RGS5: variants seen among roughly 807,000 people sequenced by gnomAD.
RGS5 encodes the protein regulator of G-protein signalling 5.
RGS5 carries 20 observed loss-of-function variants against 18.9 expected under a neutral mutation model. The observed-to-expected ratio is 1.06, with a 90% CI of 0.74 to 1.54. The LOEUF is 1.54. RGS5 is among the 40% of genes most tolerant of loss of function. The pLI is 0.00. For synonymous variants in RGS5, 57 were observed against 76.2 expected, an observed-to-expected ratio of 0.75 and a Z score of 1.31; for missense variants, 201 against 211.8, an observed-to-expected ratio of 0.95 and a Z score of 0.32.
chr1:163,156,645 G>T (rs1485697001), intron 3 of RGS5, among the ~76,000 whole-genome samples: 1 of 152,066 alleles, frequency 6.6e-6, no homozygotes, highest in Non-Finnish European at 1.5e-5. Flanking sequence ...TTTAATAGAG[G>T]TTCCCGCAGA....
At chr1:163,234,682 TTTG>T (rs1374258165) in intron 2 of RGS5, among the ~76,000 whole-genome samples, 1 of 152,240 alleles carries the variant, frequency 6.6e-6, no homozygotes, top group Non-Finnish European at 1.5e-5. Flanking sequence ...AATCTCTGCT[TTTG>T]TTATCTATTA....
chr1:163,188,002 G>A (rs1254768784), intron 1 of RGS5, among the ~76,000 whole-genome samples: 1 of 152,094 alleles, frequency 6.6e-6, no homozygotes, highest in African/African-American at 2.4e-5. Flanking sequence ...TGCTTGGTGT[G>A]TGGGAGTTTT....
intron 2 of RGS5, among the ~76,000 whole-genome samples, chr1:163,230,464 A>G (rs553984689): frequency 3.4e-4 from 32 of 93,584 alleles, no homozygotes; most frequent in African/African-American, 8.3e-4. Context: ...CCTTAGTTGT[A>G]AGATACTAAG....
chr1:163,274,291 TC>T (rs1648795903), intron 2 of RGS5, among the ~76,000 whole-genome samples: 1 of 149,542 alleles, frequency 6.7e-6, no homozygotes, highest in Admixed American at 6.7e-5. Context: ...CCCACTGACC[TC>T]CTGGGAAAAG....
At chr1:163,263,319 T>C (rs1401968645) in intron 2 of RGS5, among the ~76,000 whole-genome samples, 1 of 152,224 alleles carries the variant, frequency 6.6e-6, no homozygotes, top group Non-Finnish European at 1.5e-5. Context: ...CAAGGAGTGT[T>C]GCTTCTTCAG....
intron 3 of RGS5, among the ~76,000 whole-genome samples, chr1:163,158,429 C>G (rs923640443): frequency 6.6e-6 from 1 of 152,040 alleles, no homozygotes; most frequent in Non-Finnish European, 1.5e-5. Flanking sequence ...AATTCACCCC[C>G]GATATTTCAC....
chr1:163,233,822 G>A (rs1401800514), intron 2 of RGS5, among the ~76,000 whole-genome samples: 2 of 152,112 alleles, frequency 1.3e-5, no homozygotes, highest in Non-Finnish European at 2.9e-5. Context: ...CTATCACAAA[G>A]TACATTATCA....
At chr1:163,268,973 T>C (rs1424689623) in intron 2 of RGS5, among the ~76,000 whole-genome samples, 3 of 152,118 alleles carry the variant, frequency 2.0e-5, no homozygotes, top group Non-Finnish European at 4.4e-5. Context: ...GTTAAATGGG[T>C]AGGACCAGAG....
At chr1:163,157,572 CT>C (rs1657634029) in intron 3 of RGS5, among the ~76,000 whole-genome samples, 1 of 152,120 alleles carries the variant, frequency 6.6e-6, no homozygotes, top group Admixed American at 6.5e-5. Flanking sequence ...GTAAGGAATT[CT>C]TGGGGAACTA....
chr1:163,289,057 C>T (rs1219506727), intron 2 of RGS5, among the ~76,000 whole-genome samples: 5 of 152,092 alleles, frequency 3.3e-5, no homozygotes, highest in Admixed American at 1.3e-4. Flanking sequence ...ACCTTTTCTC[C>T]ATATTGCAAC....
chr1:163,194,003 T>G (rs1284137262), intron 1 of RGS5, among the ~76,000 whole-genome samples: 1 of 152,140 alleles, frequency 6.6e-6, no homozygotes, highest in African/African-American at 2.4e-5. Context: ...TTGCCCTCAG[T>G]GACATTATAC....
intron 2 of RGS5, among the ~76,000 whole-genome samples, chr1:163,167,433 G>A (rs914825510): frequency 2.0e-5 from 3 of 152,178 alleles, no homozygotes; most frequent in Non-Finnish European, 4.4e-5. Flanking sequence ...GCAGCTAGCA[G>A]GGATGATGAT....
At chr1:163,236,725 A>G (rs1199195578) in intron 2 of RGS5, among the ~76,000 whole-genome samples, 1 of 152,200 alleles carries the variant, frequency 6.6e-6, no homozygotes, top group East Asian at 1.9e-4. Context: ...GCACTTTGGG[A>G]GGTCGAGAGG....
intron 2 of RGS5, among the ~76,000 whole-genome samples, chr1:163,293,098 A>G (rs996195074): frequency 6.6e-6 from 1 of 152,152 alleles, no homozygotes; most frequent in African/African-American, 2.4e-5. Context: ...GCCACTGTCT[A>G]TGCCTGAATG....
intron 1 of RGS5, among the ~76,000 whole-genome samples, chr1:163,187,316 G>A (rs1659131176): frequency 6.6e-6 from 1 of 152,228 alleles, no homozygotes; most frequent in South Asian, 2.1e-4. Flanking sequence ...AAATGAGAAT[G>A]GCTATGGCCC....
intron 1 of RGS5, chr1:163,308,515 A>C (rs1283479039): frequency 6.6e-6 from 1 of 152,244 alleles, no homozygotes; most frequent in East Asian, 1.9e-4. Flanking sequence ...TTTATAAGCC[A>C]AATAAATTTA....
In RGS5 at chr1:163,160,135, T is replaced by C. The variant is rs573752903; in HGVS notation, c.217+1780A>G. On this transcript the variant is annotated intron_variant, in intron 3 of 4. Coordinates refer to ENST00000313961, the MANE Select transcript of RGS5 (RefSeq NM_003617.4). ...CTCTGTCTCCTAAAAGCCTGAAATA[T>C]ATAGACATGTAGCCCTAAGGATTTA... Among the ~76,000 whole-genome samples, 85 of 152,316 alleles carry C rather than the reference T, an allele frequency of 5.6e-4. No homozygotes were observed. The Middle Eastern group carries it at 0.014, about 24-fold the overall frequency.
chr1:163,150,330 T>A (rs1657324298), intron 4 of RGS5, among the ~76,000 whole-genome samples: 1 of 152,212 alleles, frequency 6.6e-6, no homozygotes, highest in African/African-American at 2.4e-5. Context: ...TAACCAATAA[T>A]GTTTTCCCAG....
At chr1:163,148,953 G>A (rs891445740) in intron 4 of RGS5, among the ~76,000 whole-genome samples, 1 of 152,222 alleles carries the variant, frequency 6.6e-6, no homozygotes, top group African/African-American at 2.4e-5. Context: ...ACTGAATAGA[G>A]CTCTTTGGGC....
Sources: gnomAD v4.1 joint callset for allele counts (sites outside exome capture counted in the v4.1 genomes callset) on GRCh38, gnomAD v4.1.1 for gene constraint, MANE v1.5 for transcripts, NCBI Gene and HGNC (gene_info 2026-07-23, HGNC 2026-07-21) for gene names.